Variants in CDX2 observed in about 807,000 individuals in gnomAD.
CDX2 encodes the protein homeobox protein CDX-2.
Under a neutral mutation model 25.5 loss-of-function variants are expected in CDX2, and 7 were observed. The observed-to-expected ratio is 0.27, with a 90% CI of 0.16 to 0.52. CDX2 has a LOEUF of 0.52. CDX2 is among the 20% of genes least tolerant of loss of function. The pLI, the probability that CDX2 is intolerant of heterozygous loss-of-function variation, is 0.97. For synonymous variants in CDX2, 222 were observed against 198.6 expected, an observed-to-expected ratio of 1.12 and a Z score of -0.99; for missense variants, 375 against 431.4, an observed-to-expected ratio of 0.87 and a Z score of 1.16.
rs553610224 is a variant in CDX2, at chr13:27,962,795, G to A, written c.*320C>T. On this transcript the variant is annotated 3_prime_UTR_variant, in exon 3 of 3. Coordinates refer to ENST00000381020, the MANE Select transcript of CDX2 (RefSeq NM_001265.6). ...GCAGATCTAGGAAGAGAAGAGCTGG[G>A]GAGGAGGATGAAGGCCTGGTTGGTG... The A allele has an allele frequency of 6.8e-6, 2 of 294,182 alleles. No individual in the cohort carries two copies. The highest frequency in any genetic ancestry group is 1.4e-4 in the South Asian group (1 of 7,056). 18.2% of individuals were successfully genotyped at this position (294,182 alleles called of 1,614,324 possible).
At position 27,962,866 on chromosome 13, in the gene CDX2, C is replaced by T. The variant is rs1869123198; in HGVS notation, c.*249G>A. 10 of 447,754 alleles carry T rather than the reference C, an allele frequency of 2.2e-5. No homozygotes were observed. In the South Asian group the frequency reaches 2.6e-4, roughly 11 times the overall value. 27.7% of individuals were successfully genotyped at this position (447,754 alleles called of 1,614,324 possible). On this transcript the variant is annotated 3_prime_UTR_variant, in exon 3 of 3. Coordinates refer to ENST00000381020, the MANE Select transcript of CDX2 (RefSeq NM_001265.6). ...TCTGCCAGTCCGGAATGAAGCCCAG[C>T]GGAGGCTTTCTGTCTCCTCAGTGGC...
In CDX2 at chr13:27,963,263, G is replaced by T; in HGVS notation, c.794C>A (p.Pro265Gln). ...QQPPQPPPPP[P>Q]QPPQPQPGPL... ...ACCTGGCTGAGGCTGGGGAGGCTGTGGTGGCGGCGGAGGCGGCTGTGGTGG... is the reference window on the plus strand; with the variant it reads ...ACCTGGCTGAGGCTGGGGAGGCTGTTGTGGCGGCGGAGGCGGCTGTGGTGG... The change falls in exon 3 of 3, where the codon CCA (proline) becomes CAA (glutamine). Residue 265 changes from proline (P) to glutamine (Q), a missense_variant. Pro to Gln is a moderately conservative substitution (Grantham distance 76). Around this residue, in one of 3 missense-constraint regions of CDX2, gnomAD observed 58 missense variants for 59.4 expected, o/e 0.98. Coordinates refer to ENST00000381020, the MANE Select transcript of CDX2 (RefSeq NM_001265.6). 6.2e-7 allele frequency: 1 copy of T among 1,613,962 alleles called. No homozygotes were observed. The highest frequency in any genetic ancestry group is 8.5e-7 in the Non-Finnish European group (1 of 1,179,880).
chr13:27,961,985 C>T lies in CDX2; in HGVS notation c.*1130G>A, dbSNP rs1331599265. 6.6e-6 allele frequency among the ~76,000 whole-genome samples: 1 copy of T among 152,158 alleles called. No individual in the cohort carries two copies. The highest frequency in any genetic ancestry group is 1.5e-5 in the Non-Finnish European group (1 of 68,038). On this transcript the variant is annotated 3_prime_UTR_variant, in exon 3 of 3. Coordinates refer to ENST00000381020, the MANE Select transcript of CDX2 (RefSeq NM_001265.6). ...AGGTCTCAGAACCTGCTCTTTCAGG[C>T]TTCTGATGCTCTGGGGTAAAATGAG... is the stretch of plus-strand genomic sequence containing the variant.
In CDX2 at chr13:27,961,990, G is replaced by A. The variant is rs1869074045; in HGVS notation, c.*1125C>T. On this transcript the variant is annotated 3_prime_UTR_variant, in exon 3 of 3. Coordinates refer to ENST00000381020, the MANE Select transcript of CDX2 (RefSeq NM_001265.6). ...TCAGAACCTGCTCTTTCAGGCTTCT[G>A]ATGCTCTGGGGTAAAATGAGGCTGT... 8.8e-6 allele frequency: 2 copies of A among 228,382 alleles called. No homozygotes were observed. Among genetic ancestry groups the A allele is most frequent in the African/African-American group, 4.4e-5 (2 of 45,140 alleles). The allele number at this position is 228,382 out of a possible 1,614,324, so 14.1% of individuals were successfully genotyped here.
chr13:27,961,849 A>G lies in CDX2; in HGVS notation c.*1266T>C, dbSNP rs930869052. On this transcript the variant is annotated 3_prime_UTR_variant, in exon 3 of 3. Coordinates refer to ENST00000381020, the MANE Select transcript of CDX2 (RefSeq NM_001265.6). ...GGGGGCCCTCTCACCCCCACCCCCC[A>G]TAATTTCTGACTGCTGGGAAGCACC... Among the ~76,000 whole-genome samples, 2 of 150,616 alleles carry G rather than the reference A, an allele frequency of 1.3e-5. No homozygotes were observed. The highest frequency in any genetic ancestry group is 4.9e-5 in the African/African-American group (2 of 40,952).
intron 1 of CDX2, chr13:27,967,193 G>C (rs1869373303): frequency 2.2e-6 from 1 of 447,798 alleles, no homozygotes; most frequent in African/African-American, 2.0e-5. Flanking sequence ...GGATCTGGGA[G>C]CCCCTGCTAG....
rs375656067 is a variant in CDX2 at position 27,963,206 on chromosome 13, G to A, written c.851C>T (p.Pro284Leu). 228 of 1,614,090 alleles carry A rather than the reference G, an allele frequency of 1.4e-4. No individual in the cohort carries two copies. Among genetic ancestry groups the A allele is most frequent in the East Asian group, 2.4e-4 (11 of 44,900 alleles). The change falls in exon 3 of 3, where the codon CCG becomes CTG. Residue 284 changes from proline (P) to leucine (L), a missense_variant. This residue lies in a region of CDX2 where 58 missense variants were observed against 59.4 expected (regional missense o/e 0.98). Coordinates refer to ENST00000381020, the MANE Select transcript of CDX2 (RefSeq NM_001265.6). The stretch of plus-strand genomic sequence containing the variant: ...CACTGAGGCTTGCAGGGAAGACACC[G>A]GACTCAAGGGCTCTGGGACACTTCT... ...PLRSVPEPLS[P>L]VSSLQASVPG... is the part of the protein sequence containing the mutation.
chr13:27,966,863 C>A (rs1315612288), intron 1 of CDX2, among the ~76,000 whole-genome samples: 2 of 152,150 alleles, frequency 1.3e-5, no homozygotes, highest in Admixed American at 1.3e-4. Context: ...GCCGCGTCCC[C>A]CCCTCCACCC....
At chr13:27,966,629 G>C (rs995928906) in intron 1 of CDX2, among the ~76,000 whole-genome samples, 2 of 152,126 alleles carry the variant, frequency 1.3e-5, no homozygotes, top group African/African-American at 4.8e-5. Flanking sequence ...TGTCCCGGAC[G>C]TGCCGGGCAA....
rs1355332857 is a variant in CDX2 at position 27,961,346 on chromosome 13, C to T, written c.*1769G>A. On this transcript the variant is annotated 3_prime_UTR_variant, in exon 3 of 3. Transcript: ENST00000381020. ...CCTCCGTGGGCGCGCTGATTAGGCT[C>T]TCGGATGTTGGTGGGAAGATCGAAA... 2.0e-5 allele frequency among the ~76,000 whole-genome samples: 3 copies of T among 152,248 alleles called. No individual in the cohort carries two copies. The highest frequency in any genetic ancestry group is 7.2e-5 in the African/African-American group (3 of 41,470).
chr13:27,963,382 AG>A lies in CDX2; in HGVS notation c.688-14del, dbSNP rs763573030. ...ACCAGATTTTAACCTAGAAATGGAA[AG>A]GTGGAGAAAAGCACATTGTGGTGAA... On this transcript the variant is annotated splice_polypyrimidine_tract_variant and intron_variant, in intron 2 of 2. Transcript: ENST00000381020. 11 of 1,546,320 alleles carry A rather than the reference AG, an allele frequency of 7.1e-6. No homozygotes were observed. The highest frequency in any genetic ancestry group is 3.4e-4 in the Middle Eastern group (2 of 5,910).
At chr13:27,967,226 G>A (rs1274698224) in intron 1 of CDX2, 1 of 492,288 alleles carries the variant, frequency 2.0e-6, no homozygotes, top group Non-Finnish European at 4.0e-6. Context: ...TCCTCTAGGA[G>A]AAGGGACCAA....
In CDX2 at chr13:27,962,954, C is replaced by G; in HGVS notation, c.*161G>C. Reference sequence around the variant, plus strand: ...AGTATATTTCTTGAGGCCCCAAATCCCACTTGTCTTACTCCTGGCTCCCAT... The same window carrying G: ...AGTATATTTCTTGAGGCCCCAAATCGCACTTGTCTTACTCCTGGCTCCCAT... On this transcript the variant is annotated 3_prime_UTR_variant, in exon 3 of 3. Coordinates refer to ENST00000381020, the MANE Select transcript of CDX2 (RefSeq NM_001265.6). 1 of 873,596 alleles carries G rather than the reference C, an allele frequency of 1.1e-6. No individual in the cohort carries two copies. The highest frequency in any genetic ancestry group is 1.6e-6 in the Non-Finnish European group (1 of 621,328). 54.1% of individuals were successfully genotyped at this position (873,596 alleles called of 1,614,324 possible).
rs1299623874 is a variant in CDX2 at position 27,968,668 on chromosome 13, G to A, written c.339C>T (p.Tyr113=). 1 of 1,533,994 alleles carries A rather than the reference G, an allele frequency of 6.5e-7. No individual in the cohort carries two copies. Among genetic ancestry groups the A allele is most frequent in the African/African-American group, 1.4e-5 (1 of 71,782 alleles). The change falls in exon 1 of 3, where the codon TAC becomes TAT. Residue 113 remains tyrosine (Y), a synonymous_variant. Coordinates refer to ENST00000381020, the MANE Select transcript of CDX2 (RefSeq NM_001265.6). The stretch of plus-strand genomic sequence containing the variant: ...GGTGATGCGGGTGGTGGTGCGGATG[G>A]TAGTCTGCGGGGCTGCTGTAGCCCA... ...AAMGYSSPAD[Y]HPHHHPHHHP... is the part of the protein sequence containing the mutation.
chr13:27,967,213 G>T (rs2137542083), intron 1 of CDX2: 1 of 470,362 alleles, frequency 2.1e-6, no homozygotes, highest in East Asian at 4.9e-5. Context: ...GGAGAAAGGC[G>T]CCTCCTCTAG....
intron 2 of CDX2, among the ~76,000 whole-genome samples, chr13:27,963,925 T>C (rs1869190598): frequency 6.6e-6 from 1 of 152,220 alleles, no homozygotes; most frequent in African/African-American, 2.4e-5. Context: ...TTTTCTTAGG[T>C]ACAGTGCTGG....
At chr13:27,966,016 C>T (rs1869301089) in intron 1 of CDX2, among the ~76,000 whole-genome samples, 2 of 152,222 alleles carry the variant, frequency 1.3e-5, no homozygotes, top group African/African-American at 4.8e-5. Flanking sequence ...CGCAGGCTGA[C>T]TTTGTTCAGG....
chr13:27,967,590 G>A (rs1869397409), intron 1 of CDX2, among the ~76,000 whole-genome samples: 1 of 152,268 alleles, frequency 6.6e-6, no homozygotes, highest in East Asian at 1.9e-4. Flanking sequence ...CAGAGTCAAT[G>A]AGCCCCACAG....
At position 27,962,306 on chromosome 13, in the gene CDX2, C is replaced by A. The variant is rs1869088030; in HGVS notation, c.*809G>T. On this transcript the variant is annotated 3_prime_UTR_variant, in exon 3 of 3. Transcript: ENST00000381020. Reference sequence around the variant, plus strand: ...CCAACAACCCAAACAGCAGCAACAACAACACAAACTCCCCCCACCCCCTTC... The same window carrying A: ...CCAACAACCCAAACAGCAGCAACAAAAACACAAACTCCCCCCACCCCCTTC... 2 of 230,968 alleles carry A rather than the reference C, an allele frequency of 8.7e-6. No individual in the cohort carries two copies. The highest frequency in any genetic ancestry group is 6.1e-5 in the East Asian group (1 of 16,340). 14.3% of individuals were successfully genotyped at this position (230,968 alleles called of 1,614,324 possible). A position where few individuals can be genotyped will look rare whatever the true frequency, so the allele number is the denominator to read the frequency against.
Sources: gnomAD v4.1 joint callset for allele counts (sites outside exome capture counted in the v4.1 genomes callset) on GRCh38, gnomAD v4.1.1 for gene constraint, gnomAD v4.1.1 regional missense constraint, MANE v1.5 for transcripts, NCBI Gene and HGNC (gene_info 2026-07-23, HGNC 2026-07-21) for gene names.